The following ADAMTSL3 variants were observed in gnomAD, a reference collection of about 807,000 sequenced individuals.
ADAMTSL3 encodes ADAMTS-like protein 3.
A neutral mutation model predicts 201.7 loss-of-function variants in ADAMTSL3; 128 were observed. That is an observed-to-expected ratio of 0.63 (90% CI 0.55 to 0.73). The LOEUF is 0.73. Ranked by LOEUF, ADAMTSL3 falls within the 30% of genes least tolerant of loss-of-function variation. The pLI, the probability that ADAMTSL3 is intolerant of heterozygous loss-of-function variation, is 0.00. For synonymous variants in ADAMTSL3, 738 were observed against 748.4 expected (o/e 0.99, Z 0.23); for missense variants, 1,990 against 2,119.6 (o/e 0.94, Z 1.20).
Position 83,908,711 on chromosome 15 carries a change from AAG to A in ADAMTSL3, c.1701-4380_1701-4379del. ...CTAGACAATTCTTTCTTCATGCTCAAAGTTTTGTTAGCCAGGTGTATTCATTT... is the reference window on the plus strand; with the variant it reads ...CTAGACAATTCTTTCTTCATGCTCAATTTTGTTAGCCAGGTGTATTCATTT... On this transcript the variant is annotated intron_variant, in intron 15 of 29. Transcript: ENST00000286744. Among the ~76,000 whole-genome samples, 4 of 152,274 alleles carry A rather than the reference AAG, an allele frequency of 2.6e-5. No individual in the cohort carries two copies. In the Middle Eastern group the frequency reaches 0.014, roughly 518 times the overall value.
intron 17 of ADAMTSL3, among the ~76,000 whole-genome samples, chr15:83,939,254 T>G (rs1016757398): frequency 6.6e-6 from 1 of 152,198 alleles, no homozygotes; most frequent in Non-Finnish European, 1.5e-5. Flanking sequence ...CTTCTTCTTT[T>G]TTTTTTGAGA....
intron 5 of ADAMTSL3, among the ~76,000 whole-genome samples, chr15:83,810,343 G>C (rs1224874030): frequency 6.6e-6 from 1 of 152,230 alleles, no homozygotes; most frequent in Non-Finnish European, 1.5e-5. Context: ...AGGAGGGAGA[G>C]AGAGAGACTG....
chr15:83,789,230 T>C (rs2141819970), intron 4 of ADAMTSL3, among the ~76,000 whole-genome samples: 1 of 152,328 alleles, frequency 6.6e-6, no homozygotes, highest in East Asian at 1.9e-4. Context: ...TTCACTCTCT[T>C]TACTAAGTAT....
At chr15:83,776,229 G>T (rs1370072898) in intron 4 of ADAMTSL3, among the ~76,000 whole-genome samples, 1 of 152,104 alleles carries the variant, frequency 6.6e-6, no homozygotes, top group Non-Finnish European at 1.5e-5. Context: ...TGAGAGGTAG[G>T]CTCACAGCAC....
intron 23 of ADAMTSL3, among the ~76,000 whole-genome samples, chr15:84,008,576 G>A (rs566424282): frequency 5.9e-5 from 9 of 152,006 alleles, no homozygotes; most frequent in Non-Finnish European, 5.9e-5. Flanking sequence ...TGAACTACCC[G>A]AGGCCTCAGT....
chr15:83,660,286 A>G (rs1400798649), intron 2 of ADAMTSL3, among the ~76,000 whole-genome samples: 2 of 152,174 alleles, frequency 1.3e-5, no homozygotes, highest in Admixed American at 6.5e-5. Flanking sequence ...TCACCATCCA[A>G]GTTCCCCCAG....
At chr15:84,032,702 C>G (rs1000990740) in intron 28 of ADAMTSL3, among the ~76,000 whole-genome samples, 3 of 152,144 alleles carry the variant, frequency 2.0e-5, no homozygotes, top group Non-Finnish European at 4.4e-5. Context: ...ATACTCTATT[C>G]TACTCAATAT....
chr15:83,942,698 T>C lies in ADAMTSL3; in HGVS notation c.2220T>C (p.Pro740=). The C allele has an allele frequency of 1.9e-6, 3 of 1,614,052 alleles. No homozygotes were observed. Among genetic ancestry groups the C allele is most frequent in the Non-Finnish European group, 2.5e-6 (3 of 1,179,986 alleles). ...CLHPGETPAP[P]EECRDEKPHA... Reference sequence around the variant, plus strand: ...ACCCAGGGGAGACCCCTGCCCCTCCTGAGGAGTGCCGAGATGAAAAGCCCC... The same window carrying C: ...ACCCAGGGGAGACCCCTGCCCCTCCCGAGGAGTGCCGAGATGAAAAGCCCC... The change falls in exon 18 of 30, where the codon CCT becomes CCC. Residue 740 remains proline (P), a synonymous_variant. Transcript: ENST00000286744.
chr15:84,002,506 C>T (rs937470450), intron 23 of ADAMTSL3, among the ~76,000 whole-genome samples: 2 of 152,176 alleles, frequency 1.3e-5, no homozygotes, highest in Non-Finnish European at 2.9e-5. Context: ...CAAAAGGCCC[C>T]ATATATTGTC....
At chr15:83,825,222 A>T (rs1480496747) in intron 6 of ADAMTSL3, among the ~76,000 whole-genome samples, 2 of 152,226 alleles carry the variant, frequency 1.3e-5, no homozygotes, top group East Asian at 1.9e-4. Context: ...TGACCAAATG[A>T]TAATAGTAAT....
chr15:83,800,329 A>G (rs2063497720), intron 4 of ADAMTSL3, among the ~76,000 whole-genome samples: 1 of 152,176 alleles, frequency 6.6e-6, no homozygotes, highest in Admixed American at 6.5e-5. Context: ...TGGGATTTGT[A>G]GGAGAGTTGT....
Position 83,787,997 on chromosome 15 carries a change from GAC to G in ADAMTSL3, c.317+14349_317+14350del, listed in dbSNP as rs953406470. 3.3e-5 allele frequency among the ~76,000 whole-genome samples: 5 copies of G among 152,146 alleles called. No individual in the cohort carries two copies. In the South Asian group the frequency reaches 1.0e-3, roughly 32 times the overall value. On this transcript the variant is annotated intron_variant, in intron 4 of 29. Transcript: ENST00000286744. Reference sequence around the variant, plus strand: ...TATGAAGGTATATTATTATTATAAAGACATGTTATTAAATTATGCCTCTATAC... The same window carrying G: ...TATGAAGGTATATTATTATTATAAAGATGTTATTAAATTATGCCTCTATAC...
chr15:83,797,946 A>G (rs1489047948), intron 4 of ADAMTSL3, among the ~76,000 whole-genome samples: 1 of 152,236 alleles, frequency 6.6e-6, no homozygotes, highest in East Asian at 1.9e-4. Context: ...AACAATTTTC[A>G]TCAACATTTA....
At chr15:83,820,363 C>A (rs2063842534) in intron 6 of ADAMTSL3, among the ~76,000 whole-genome samples, 1 of 152,152 alleles carries the variant, frequency 6.6e-6, no homozygotes, top group African/African-American at 2.4e-5. Context: ...CAGGCATGAG[C>A]CACCGCGCCG....
At chr15:83,726,988 T>G (rs2141592491) in intron 3 of ADAMTSL3, among the ~76,000 whole-genome samples, 1 of 152,178 alleles carries the variant, frequency 6.6e-6, no homozygotes, top group South Asian at 2.1e-4. Context: ...TGTTTAAATG[T>G]TTGGTAGAAT....
intron 25 of ADAMTSL3, among the ~76,000 whole-genome samples, chr15:84,021,032 G>A (rs958103777): frequency 2.0e-5 from 3 of 152,132 alleles, no homozygotes; most frequent in African/African-American, 4.8e-5. Flanking sequence ...AATTGAACCC[G>A]TTAGGGCATC....
chr15:83,951,929 G>A (rs373232174), intron 19 of ADAMTSL3, among the ~76,000 whole-genome samples: 4 of 151,932 alleles, frequency 2.6e-5, no homozygotes, highest in South Asian at 2.1e-4. Flanking sequence ...GAGTTTTGTC[G>A]ATTTTATTTA....
At chr15:83,667,176 A>G (rs564679939) in intron 2 of ADAMTSL3, among the ~76,000 whole-genome samples, 79 of 152,218 alleles carry the variant, frequency 5.2e-4, no homozygotes, top group African/African-American at 1.8e-3. Flanking sequence ...TTCTTTTTAA[A>G]TATTTAAATC....
intron 28 of ADAMTSL3, among the ~76,000 whole-genome samples, chr15:84,034,336 G>C (rs948052815): frequency 6.6e-6 from 1 of 152,152 alleles, no homozygotes; most frequent in Non-Finnish European, 1.5e-5. Flanking sequence ...CTCAGGAAAT[G>C]TTAGAGAGTG....
Sources: allele counts gnomAD v4.1 joint callset (sites outside exome capture counted in the v4.1 genomes callset), GRCh38; gene constraint gnomAD v4.1.1; transcripts MANE v1.5; gene names NCBI Gene and HGNC (gene_info 2026-07-23, HGNC 2026-07-21).